The following PRAMEF12 variants were observed in gnomAD, a reference collection of about 807,000 sequenced individuals.
PRAMEF12 encodes the protein PRAME family member 12.
PRAMEF12 carries 24 observed loss-of-function variants against 24.6 expected under a neutral mutation model. That is an observed-to-expected ratio of 0.98 (90% CI 0.71 to 1.37). PRAMEF12 has a LOEUF of 1.37. Among genes scored for constraint, PRAMEF12 ranks in the 40% most tolerant of loss-of-function variants. The pLI, the probability that PRAMEF12 is intolerant of heterozygous loss-of-function variation, is 0.00. For synonymous variants in PRAMEF12, 286 were observed against 242.6 expected (o/e 1.18, Z -1.66); for missense variants, 646 against 580.3 (o/e 1.11, Z -1.16).
In PRAMEF12 at chr1:12,775,548, G is replaced by A; in HGVS notation, c.293G>A (p.Trp98Ter). The A allele has an allele frequency of 3.1e-6, 5 of 1,607,140 alleles. No homozygotes were observed. Among genetic ancestry groups the A allele is most frequent in the African/African-American group, 2.7e-5 (2 of 74,694 alleles). ...LLAQKVRPRR[W>*]KLQVLDLRNV... is the part of the protein sequence containing the mutation. ...CTCTTCTCTTTTACCCACAGGCGGT[G>A]GAAACTTCAAGTGTTGGACTTGCGG... Residue 98 changes from tryptophan (W) to a stop codon, truncating the protein, a stop_gained, in exon 2 of 3, where the codon TGG becomes TAG. Coordinates refer to ENST00000357726, the MANE Select transcript of PRAMEF12 (RefSeq NM_001080830.5). LOFTEE classifies it high-confidence loss of function.
rs576861277 is a variant in PRAMEF12, at chr1:12,777,466, T to G, written c.1319T>G (p.Leu440Arg). Residue 440 changes from leucine (L) to arginine (R), a missense_variant, in exon 3 of 3, where the codon CTG becomes CGG. Physicochemically the swap from Leu to Arg is moderately radical, Grantham distance 102 (BLOSUM62 -2). Transcript: ENST00000357726. ...CTTGGGGCTGAGCTGATGAAGACAC[T>G]GAGGGACTTAAGGCAGCCCAAGATA... ...SQLGAELMKT[L>R]RDLRQPKIIV... 1 of 1,614,096 alleles carries G rather than the reference T, an allele frequency of 6.2e-7. No individual in the cohort carries two copies. Among genetic ancestry groups the G allele is most frequent in the Non-Finnish European group, 8.5e-7 (1 of 1,180,006 alleles).
chr1:12,775,001 C>T lies in PRAMEF12; in HGVS notation c.134C>T (p.Thr45Ile), dbSNP rs114842251. The T allele has an allele frequency of 5.8e-4, 938 of 1,614,132 alleles. 4 individuals are homozygous for T. The African/African-American group carries it at 0.011, about 19-fold the overall frequency. ...LFPPLFMEAF[T>I]RRCCETLTTM... The stretch of plus-strand genomic sequence containing the variant: ...CCCCCACTGTTCATGGAGGCCTTTA[C>T]CAGGAGATGCTGCGAGACCCTGACA... The change falls in exon 1 of 3, where the codon ACC becomes ATC. Residue 45 changes from threonine (T) to isoleucine (I), a missense_variant. By Grantham distance (89) the Thr-to-Ile change is moderately conservative. Coordinates refer to ENST00000357726, the MANE Select transcript of PRAMEF12 (RefSeq NM_001080830.5).
At chr1:12,776,241 A>G in intron 2 of PRAMEF12, 123 bp downstream of exon 2, 3 of 1,010,808 alleles carry the variant, frequency 3.0e-6, no homozygotes, top group Non-Finnish European at 4.6e-6. Context: ...GGGACACTAG[A>G]ATGTCCATGC....
At position 12,776,002 on chromosome 1, in the gene PRAMEF12, C is replaced by G; in HGVS notation, c.747C>G (p.Asp249Glu). The G allele has an allele frequency of 1.9e-6, 3 of 1,614,162 alleles. No homozygotes were observed. The highest frequency in any genetic ancestry group is 2.2e-5 in the East Asian group (1 of 44,884). Reference protein sequence around the residue: ...NIHVSACIPLDRKEQFVIQFT... With the variant: ...NIHVSACIPLERKEQFVIQFT... ...ATGTCTCTGCCTGCATTCCCCTAGA[C>G]AGGAAGGAGCAGTTTGTCATCCAGT... is the stretch of plus-strand genomic sequence containing the variant. Residue 249 changes from aspartate (D) to glutamate (E), a missense_variant, in exon 2 of 3, where the codon GAC (aspartate) becomes GAG (glutamate). Asp to Glu is a conservative substitution (Grantham distance 45). Coordinates refer to ENST00000357726, the MANE Select transcript of PRAMEF12 (RefSeq NM_001080830.5).
Position 12,777,602 on chromosome 1 carries a change from C to T in PRAMEF12, c.*3C>T. The T allele has an allele frequency of 1.2e-6, 2 of 1,614,060 alleles. No individual in the cohort carries two copies. Among genetic ancestry groups the T allele is most frequent in the Middle Eastern group, 1.7e-4 (1 of 6,046 alleles). On this transcript the variant is annotated 3_prime_UTR_variant, in exon 3 of 3. Transcript: ENST00000357726. The stretch of plus-strand genomic sequence containing the variant: ...GCTGTCAGGGTGGATTTATTTAAAG[C>T]TTTCTTCTGGTCATTTGGCAACTGA...
Position 12,775,090 on chromosome 1 carries a change from C to T in PRAMEF12, c.223C>T (p.Leu75=), listed in dbSNP as rs1467494613. 6.2e-7 allele frequency: 1 copy of T among 1,614,154 alleles called. No homozygotes were observed. The highest frequency in any genetic ancestry group is 1.3e-5 in the African/African-American group (1 of 75,038). The change falls in exon 1 of 3, where the codon CTA becomes TTA. Residue 75 remains leucine (L), a synonymous_variant. Coordinates refer to ENST00000357726, the MANE Select transcript of PRAMEF12 (RefSeq NM_001080830.5). Reference sequence around the variant, plus strand: ...AGGGTCCCTGATGAAGTCATGTAATCTAGAGATCTTTCGAGCTGTGCTGGA... The same window carrying T: ...AGGGTCCCTGATGAAGTCATGTAATTTAGAGATCTTTCGAGCTGTGCTGGA... ...PLGSLMKSCN[L]EIFRAVLEGL...
chr1:12,774,448 T>A lies in PRAMEF12; in HGVS notation c.-420T>A, dbSNP rs543110262. Among the ~76,000 whole-genome samples, 1 of 152,352 alleles carries A rather than the reference T, an allele frequency of 6.6e-6. No individual in the cohort carries two copies. The highest frequency in any genetic ancestry group is 1.9e-4 in the East Asian group (1 of 5,190). ...AATGGCGCTGATTCCAAGGAGTCCCTTTAGTCTTCTGCAAGCATGTCAATT... is the reference window on the plus strand; with the variant it reads ...AATGGCGCTGATTCCAAGGAGTCCCATTAGTCTTCTGCAAGCATGTCAATT... On this transcript the variant is annotated 5_prime_UTR_variant, in exon 1 of 3. Coordinates refer to ENST00000357726, the MANE Select transcript of PRAMEF12 (RefSeq NM_001080830.5).
Position 12,775,669 on chromosome 1 carries a change from G to A in PRAMEF12, c.414G>A (p.Arg138=), listed in dbSNP as rs375371478. The A allele has an allele frequency of 1.7e-5, 27 of 1,613,832 alleles. No individual in the cohort carries two copies. The highest frequency in any genetic ancestry group is 5.3e-5 in the African/African-American group (4 of 74,846). Residue 138 remains arginine (R), a synonymous_variant, in exon 2 of 3, where the codon AGG becomes AGA. Coordinates refer to ENST00000357726, the MANE Select transcript of PRAMEF12 (RefSeq NM_001080830.5). ...GACGAACAGCAGGGAACTGTCCAAG[G>A]CCGGGTGGGCAGCAGCCCTTGATGG... ...SKRRTAGNCP[R]PGGQQPLMVI...
rs571180115 is a variant in PRAMEF12 at position 12,774,890 on chromosome 1, G to A, written c.23G>A (p.Arg8Lys). 27 of 1,610,586 alleles carry A rather than the reference G, an allele frequency of 1.7e-5. No individual in the cohort carries two copies. In the South Asian group the frequency reaches 1.9e-4, roughly 11 times the overall value. MSLQAPP[R>K]LLELAEQSLL... Reference sequence around the variant, plus strand: ...AGGATGAGCCTCCAGGCCCCACCTAGACTCCTGGAGCTGGCTGAGCAGAGT... The same window carrying A: ...AGGATGAGCCTCCAGGCCCCACCTAAACTCCTGGAGCTGGCTGAGCAGAGT... The change falls in exon 1 of 3, where the codon AGA (arginine) becomes AAA (lysine). Residue 8 changes from arginine to lysine, a missense_variant. Coordinates refer to ENST00000357726, the MANE Select transcript of PRAMEF12 (RefSeq NM_001080830.5).
chr1:12,775,237 A>G (rs1376593204), intron 1 of PRAMEF12, 83 bp downstream of exon 1: 4 of 1,449,482 alleles, frequency 2.8e-6, no homozygotes, highest in East Asian at 2.3e-5. Flanking sequence ...GGGAGGCCCA[A>G]GGGTGGCCCA....
chr1:12,777,127 G>C lies in PRAMEF12; in HGVS notation c.980G>C (p.Arg327Thr). The C allele has an allele frequency of 2.5e-6, 4 of 1,613,946 alleles. No homozygotes were observed. The highest frequency in any genetic ancestry group is 3.4e-6 in the Non-Finnish European group (4 of 1,179,996). The change falls in exon 3 of 3, where the codon AGG (arginine) becomes ACG (threonine). Residue 327 changes from arginine to threonine, a missense_variant. By Grantham distance (71) the Arg-to-Thr change is moderately conservative. Transcript: ENST00000357726. ...SIRQLKELDL[R>T]GITLTHFSPE... The stretch of plus-strand genomic sequence containing the variant: ...CGTCAGCTAAAAGAGCTAGACCTGA[G>C]GGGCATCACACTGACCCATTTCAGT...
rs764457580 is a variant in PRAMEF12 at position 12,777,025 on chromosome 1, C to T, written c.878C>T (p.Pro293Leu). Residue 293 changes from proline to leucine, a missense_variant, in exon 3 of 3, where the codon CCC becomes CTC. By Grantham distance (98) the Pro-to-Leu change is moderately conservative (BLOSUM62 -3). Coordinates refer to ENST00000357726, the MANE Select transcript of PRAMEF12 (RefSeq NM_001080830.5). The stretch of plus-strand genomic sequence containing the variant: ...TTCTCTCCCAGGTGTCTCCAGGCCC[C>T]CTTGGAGACAGTCGTAATGACCGAA... Reference protein sequence around the residue: ...LDQLLRCLQAPLETVVMTECL... With the variant: ...LDQLLRCLQALLETVVMTECL... 2.5e-6 allele frequency: 4 copies of T among 1,612,698 alleles called. No individual in the cohort carries two copies. In the African/African-American group the frequency reaches 5.3e-5, roughly 22 times the overall value.
chr1:12,774,964 A>G lies in PRAMEF12; in HGVS notation c.97A>G (p.Arg33Gly). 1.2e-6 allele frequency: 2 copies of G among 1,614,092 alleles called. No individual in the cohort carries two copies. The highest frequency in any genetic ancestry group is 1.7e-6 in the Non-Finnish European group (2 of 1,179,996). The change falls in exon 1 of 3, where the codon AGG becomes GGG. Residue 33 changes from arginine (R) to glycine (G), a missense_variant. Coordinates refer to ENST00000357726, the MANE Select transcript of PRAMEF12 (RefSeq NM_001080830.5). ...LAIPTLEELP[R>G]ELFPPLFMEA... The stretch of plus-strand genomic sequence containing the variant: ...CATCCCCACCCTGGAGGAGCTGCCC[A>G]GGGAGCTCTTTCCCCCACTGTTCAT...
Position 12,774,650 on chromosome 1 carries a change from G to T in PRAMEF12, c.-218G>T, listed in dbSNP as rs750710896. On this transcript the variant is annotated 5_prime_UTR_variant, in exon 1 of 3. Transcript: ENST00000357726. ...TGCAGCAATGGTTGAAAATGAATGG[G>T]CCAGTGGTTACCTTGCCCTCTCCTC... Among the ~76,000 whole-genome samples, 1 of 152,142 alleles carries T rather than the reference G, an allele frequency of 6.6e-6. No homozygotes were observed. The highest frequency in any genetic ancestry group is 1.5e-5 in the Non-Finnish European group (1 of 68,040).
rs1163619794 is a variant in PRAMEF12, at chr1:12,777,768, A to G, written c.*169A>G. On this transcript the variant is annotated 3_prime_UTR_variant, in exon 3 of 3. Transcript: ENST00000357726. ...GAGTTGGAGTCAATAGGAGCTTTAGAGACCTGTGTCCCAGAGAATCAGAAA... is the reference window on the plus strand; with the variant it reads ...GAGTTGGAGTCAATAGGAGCTTTAGGGACCTGTGTCCCAGAGAATCAGAAA... 2.8e-6 allele frequency: 2 copies of G among 712,830 alleles called. No individual in the cohort carries two copies. Among genetic ancestry groups the G allele is most frequent in the African/African-American group, 3.6e-5 (2 of 55,662 alleles). The allele number at this position is 712,830 out of a possible 1,614,324, so 44.2% of individuals were successfully genotyped here.
chr1:12,774,958 C>A lies in PRAMEF12; in HGVS notation c.91C>A (p.Leu31Met). Residue 31 changes from leucine to methionine, a missense_variant, in exon 1 of 3, where the codon CTG becomes ATG. By Grantham distance (15) the Leu-to-Met change is conservative (BLOSUM62 2). Transcript: ENST00000357726. ...CTTGGCCATCCCCACCCTGGAGGAG[C>A]TGCCCAGGGAGCTCTTTCCCCCACT... Reference protein sequence around the residue: ...RALAIPTLEELPRELFPPLFM... With the variant: ...RALAIPTLEEMPRELFPPLFM... 2 of 1,614,120 alleles carry A rather than the reference C, an allele frequency of 1.2e-6. No individual in the cohort carries two copies. The highest frequency in any genetic ancestry group is 1.7e-6 in the Non-Finnish European group (2 of 1,180,004).
intron 2 of PRAMEF12, 108 bp downstream of exon 2, chr1:12,776,226 C>A: frequency 8.8e-7 from 1 of 1,140,382 alleles, no homozygotes; most frequent in African/African-American, 1.5e-5. Flanking sequence ...GAGGTAACAG[C>A]GAAGGGGACA....
chr1:12,775,588 C>T lies in PRAMEF12; in HGVS notation c.333C>T (p.Asn111=). The stretch of plus-strand genomic sequence containing the variant: ...TGGACTTGCGGAATGTGGATGAGAA[C>T]TTCTGGGGCATATGGTCTGGAGCTT... ...QVLDLRNVDE[N]FWGIWSGASA... The change falls in exon 2 of 3, where the codon AAC becomes AAT. Residue 111 remains asparagine (N), a synonymous_variant. Coordinates refer to ENST00000357726, the MANE Select transcript of PRAMEF12 (RefSeq NM_001080830.5). The T allele has an allele frequency of 6.2e-7, 1 of 1,613,836 alleles. No individual in the cohort carries two copies. Among genetic ancestry groups the T allele is most frequent in the Non-Finnish European group, 8.5e-7 (1 of 1,179,904 alleles).
rs773919817 is a variant in PRAMEF12, at chr1:12,776,112, T to C, written c.857T>C (p.Leu286Pro). 6 of 1,613,544 alleles carry C rather than the reference T, an allele frequency of 3.7e-6. No homozygotes were observed. The highest frequency in any genetic ancestry group is 5.1e-6 in the Non-Finnish European group (6 of 1,179,562). Residue 286 changes from leucine (L) to proline (P), a missense_variant, in exon 2 of 3, where the codon CTG becomes CCG. Leu to Pro is a moderately conservative substitution (Grantham distance 98). Coordinates refer to ENST00000357726, the MANE Select transcript of PRAMEF12 (RefSeq NM_001080830.5). The stretch of plus-strand genomic sequence containing the variant: ...TTCCTCGAAGGCCACCTGGACCAGC[T>C]GCTCAGGTGAGGAAGTATGGTGAGC... ...VSFLEGHLDQ[L>P]LRCLQAPLET...
Sources: gnomAD v4.1 joint callset for allele counts (sites outside exome capture counted in the v4.1 genomes callset) on GRCh38, gnomAD v4.1.1 for gene constraint, MANE v1.5 for transcripts, NCBI Gene and HGNC (gene_info 2026-07-23, HGNC 2026-07-21) for gene names.